NDE1: variants seen among roughly 807,000 people sequenced by gnomAD.
NDE1 encodes the protein nuclear distribution protein nudE homolog 1.
Under a neutral mutation model 43.4 loss-of-function variants are expected in NDE1, and 28 were observed. That is an observed-to-expected ratio of 0.65 (90% CI 0.48 to 0.89). NDE1 has a LOEUF of 0.89. Ranked by LOEUF, NDE1 falls within the 40% of genes least tolerant of loss-of-function variation. The pLI is 0.00. For synonymous variants in NDE1, 184 were observed against 172.0 expected (o/e 1.07, Z -0.55); for missense variants, 441 against 434.1 (o/e 1.02, Z -0.14).
chr16:15,710,701 A>G (rs1358864496), intron 8 of NDE1, among the ~76,000 whole-genome samples: 1 of 148,796 alleles, frequency 6.7e-6, no homozygotes, highest in African/African-American at 2.5e-5. Context: ...TTTTTTTTGG[A>G]GACAGAGTCT....
intron 1 of NDE1, among the ~76,000 whole-genome samples, chr16:15,660,493 C>G (rs148453046): frequency 1.2e-3 from 180 of 152,210 alleles, no homozygotes; most frequent in African/African-American, 4.0e-3. Flanking sequence ...AATTGCTTCC[C>G]TCACCTCTGC....
intron 4 of NDE1, 82 bp downstream of exon 4, chr16:15,678,031 C>G: frequency 6.5e-7 from 1 of 1,542,324 alleles, no homozygotes; most frequent in Non-Finnish European, 8.9e-7. Context: ...GGGCCCTGTG[C>G]TGAGTATAGG....
chr16:15,696,293 T>C (rs2039008516), intron 7 of NDE1, among the ~76,000 whole-genome samples: 1 of 151,982 alleles, frequency 6.6e-6, no homozygotes, highest in Admixed American at 6.6e-5. Context: ...GAGGGATTGG[T>C]TGAGCCTGGG....
At chr16:15,714,743 G>T in intron 8 of NDE1, 1 of 888,040 alleles carries the variant, frequency 1.1e-6, no homozygotes, top group Non-Finnish European at 1.8e-6. Context: ...TGATCTCAGT[G>T]CCTGGCCCAC....
rs57020539 is a variant in NDE1, at chr16:15,720,738, A to G, written c.948-3453A>G. The G allele has an allele frequency of 3.0e-3, 3,993 of 1,337,040 alleles. 94 individuals are homozygous for G. The African/African-American group carries it at 0.047, about 16-fold the overall frequency. 82.8% of individuals were successfully genotyped at this position (1,337,040 alleles called of 1,614,324 possible). On this transcript the variant is annotated intron_variant, in intron 8 of 8. Transcript: ENST00000396354. Reference sequence around the variant, plus strand: ...ACAGAGCGAGACTCTGTTTCAAAAAAAAATAAAGAAAACGAAGTTTCCACA... The same window carrying G: ...ACAGAGCGAGACTCTGTTTCAAAAAGAAATAAAGAAAACGAAGTTTCCACA...
intron 5 of NDE1, among the ~76,000 whole-genome samples, chr16:15,689,918 A>G (rs1168775166): frequency 6.9e-6 from 1 of 145,734 alleles, no homozygotes; most frequent in East Asian, 2.0e-4. Context: ...AAGCCCGGGC[A>G]AGAGAGTGAA....
intron 8 of NDE1, chr16:15,717,872 G>A: frequency 7.2e-6 from 2 of 278,506 alleles, no homozygotes; most frequent in South Asian, 4.2e-5. Context: ...TCTCTGTCCT[G>A]GAGTCGCCTG....
At chr16:15,707,228 G>A (rs1239720859) in intron 8 of NDE1, among the ~76,000 whole-genome samples, 2 of 152,098 alleles carry the variant, frequency 1.3e-5, no homozygotes, top group African/African-American at 4.8e-5. Context: ...GGAGAGACGG[G>A]GTTTTACCAT....
intron 1 of NDE1, among the ~76,000 whole-genome samples, chr16:15,658,813 C>T (rs1039638281): frequency 1.3e-5 from 2 of 152,066 alleles, no homozygotes; most frequent in African/African-American, 4.8e-5. Context: ...CCTGCCACCA[C>T]ACCCAGCTAA....
chr16:15,715,411 A>AAT, intron 8 of NDE1: 2 of 768,016 alleles, frequency 2.6e-6, no homozygotes, highest in Non-Finnish European at 4.6e-6. Flanking sequence ...CAGATGGTGG[A>AAT]ATAGTATTCA....
At position 15,720,902 on chromosome 16, in the gene NDE1, G is replaced by A. The variant is rs765435868; in HGVS notation, c.948-3289G>A. 14 of 1,613,704 alleles carry A rather than the reference G, an allele frequency of 8.7e-6. No homozygotes were observed. Among genetic ancestry groups the A allele is most frequent in the African/African-American group, 2.7e-5 (2 of 74,804 alleles). Reference sequence around the variant, plus strand: ...CGTCCCGGGCTTGGAGATCCCTTTCGAACTGGCCCTTGAGCGCCTGCATGT... The same window carrying A: ...CGTCCCGGGCTTGGAGATCCCTTTCAAACTGGCCCTTGAGCGCCTGCATGT... On this transcript the variant is annotated intron_variant, in intron 8 of 8. Coordinates refer to ENST00000396354, the MANE Select transcript of NDE1 (RefSeq NM_017668.3).
At chr16:15,690,035 C>T (rs79501102) in intron 5 of NDE1, among the ~76,000 whole-genome samples, 1,572 of 151,180 alleles carry the variant, frequency 0.01, 35 homozygotes, top group African/African-American at 0.035. Flanking sequence ...TGGGGATAGT[C>T]TGGAAAGCAT....
chr16:15,678,090 G>A, intron 4 of NDE1, 141 bp downstream of exon 4: 10 of 1,081,202 alleles, frequency 9.2e-6, no homozygotes, highest in Non-Finnish European at 1.3e-5. Flanking sequence ...GGATTTTAGT[G>A]CCCGGGGGGA....
Position 15,664,557 on chromosome 16 carries a change from A to G in NDE1, c.-43-179A>G, listed in dbSNP as rs1202638265. Reference sequence around the variant, plus strand: ...ATTTTAGTAGAGACGGGGTTTCACCATGTTAGCTAGGGTGGTCTCGATCTC... The same window carrying G: ...ATTTTAGTAGAGACGGGGTTTCACCGTGTTAGCTAGGGTGGTCTCGATCTC... On this transcript the variant is annotated intron_variant, in intron 1 of 8. Transcript: ENST00000396354. 3.3e-5 allele frequency among the ~76,000 whole-genome samples: 5 copies of G among 151,732 alleles called. No individual in the cohort carries two copies. In the East Asian group the frequency reaches 5.8e-4, roughly 18 times the overall value.
At chr16:15,693,240 A>G (rs1311932851) in intron 6 of NDE1, among the ~76,000 whole-genome samples, 1 of 152,062 alleles carries the variant, frequency 6.6e-6, no homozygotes, top group East Asian at 1.9e-4. Flanking sequence ...CCTGACCTCA[A>G]CTGATCGAAC....
chr16:15,719,441 T>TA, intron 8 of NDE1: 2 of 1,475,960 alleles, frequency 1.4e-6, no homozygotes, highest in African/African-American at 1.4e-5. Context: ...CGTGAATACA[T>TA]AGAGGAGGGA....
At chr16:15,679,542 ATATTG>A (rs1275440006) in intron 4 of NDE1, among the ~76,000 whole-genome samples, 2 of 152,246 alleles carry the variant, frequency 1.3e-5, no homozygotes, top group Admixed American at 6.5e-5. Context: ...AATTTTCAAT[ATATTG>A]TATTTTTAGA....
intron 1 of NDE1, among the ~76,000 whole-genome samples, chr16:15,644,763 T>G (rs1486566030): frequency 3.3e-5 from 5 of 152,160 alleles, no homozygotes; most frequent in Admixed American, 6.6e-5. Context: ...CAGAGGTGTT[T>G]TTTCCCCATT....
At chr16:15,717,706 G>A (rs994256133) in intron 8 of NDE1, 19 of 363,052 alleles carry the variant, frequency 5.2e-5, no homozygotes, top group African/African-American at 2.7e-4. Flanking sequence ...TGAAGCAGGA[G>A]AATCCCTTGA....
Sources: gnomAD v4.1 joint callset for allele counts (sites outside exome capture counted in the v4.1 genomes callset) on GRCh38, gnomAD v4.1.1 for gene constraint, MANE v1.5 for transcripts, NCBI Gene and HGNC (gene_info 2026-07-23, HGNC 2026-07-21) for gene names.